Variants in OGFOD3 observed in about 807,000 individuals in gnomAD.
OGFOD3 encodes the protein 2-oxoglutarate and iron dependent oxygenase domain containing 3.
Under a neutral mutation model 39.8 loss-of-function variants are expected in OGFOD3, and 35 were observed. The ratio of observed to expected loss-of-function variants is 0.88; its 90% CI spans 0.67 to 1.17. The LOEUF (loss-of-function observed/expected upper bound fraction) is 1.17, where lower values mean the gene tolerates loss of function less well. Among genes scored for constraint, OGFOD3 ranks in the 50% most tolerant of loss-of-function variants. The pLI is 0.00. For missense variants in OGFOD3, 438 were observed against 454.5 expected (o/e 0.96, Z 0.33); for synonymous variants, 200 against 192.0 (o/e 1.04, Z -0.34).
chr17:82,410,644 C>T (rs2052926553), intron 3 of OGFOD3, among the ~76,000 whole-genome samples: 1 of 151,574 alleles, frequency 6.6e-6, no homozygotes, highest in African/African-American at 2.4e-5. Context: ...TACTGCTTCG[C>T]TGAGGGCCAT....
In OGFOD3 at chr17:82,390,828, G is replaced by C. The variant is rs1156496256; in HGVS notation, c.*1570C>G. On this transcript the variant is annotated 3_prime_UTR_variant, in exon 9 of 9. Coordinates refer to ENST00000313056, the MANE Select transcript of OGFOD3 (RefSeq NM_024648.3). The surrounding 1 kb of genome is among the most constrained non-coding windows in gnomAD (Gnocchi z 4.9). ...CCTTCCCAGGGGTCACCATGCCTCA[G>C]CTGGCCTCACGCCCGCTCCTTCCCA... 1.1e-5 allele frequency: 1 copy of C among 93,320 alleles called. No individual in the cohort carries two copies. Among genetic ancestry groups the C allele is most frequent in the African/African-American group, 4.5e-5 (1 of 22,298 alleles). The allele number at this position is 93,320 out of a possible 1,614,324, so 5.8% of individuals were successfully genotyped here.
rs954657700 is a variant in OGFOD3, at chr17:82,418,435, C to T, written c.51G>A (p.Ala17=). The T allele has an allele frequency of 2.7e-6, 4 of 1,478,834 alleles. No homozygotes were observed. The Admixed American group carries it at 9.0e-5, about 33-fold the overall frequency. The allele number at this position is 1,478,834 out of a possible 1,614,324, so 91.6% of individuals were successfully genotyped here. ...ACCTGCTCCGGTTCCGGCGCTCGGC[C>T]GCTCCGTTGCCCTCGGGCGCCTTGG... The part of the protein sequence containing the change: ...AATKAPEGNG[A]AERRNRSSTK... Residue 17 remains alanine, a synonymous_variant, in exon 1 of 9, where the codon GCG becomes GCA. Coordinates refer to ENST00000313056, the MANE Select transcript of OGFOD3 (RefSeq NM_024648.3).
Position 82,398,228 on chromosome 17 carries a change from T to G in OGFOD3, c.791A>C (p.Glu264Ala), listed in dbSNP as rs1260217763. The part of the protein sequence containing the change: ...FGGGRFMFME[E>A]GANKTVEPRA... ...CGGCTCCACCGTCTTGTTGGCACCC[T>G]CCTCCATGAACATGAACCGCCCTCC... Residue 264 changes from glutamate (E) to alanine (A), a missense_variant, in exon 8 of 9, where the codon GAG becomes GCG. Transcript: ENST00000313056. 3 of 1,613,834 alleles carry G rather than the reference T, an allele frequency of 1.9e-6. No individual in the cohort carries two copies. The African/African-American group carries it at 4.0e-5, about 22-fold the overall frequency.
At chr17:82,397,096 G>C (rs2052684463) in intron 8 of OGFOD3, among the ~76,000 whole-genome samples, 1 of 152,158 alleles carries the variant, frequency 6.6e-6, no homozygotes, top group Non-Finnish European at 1.5e-5. Flanking sequence ...CGTGGAAAGA[G>C]AGTCCCTCAA....
At position 82,406,432 on chromosome 17, in the gene OGFOD3, A is replaced by C. The variant is rs369300584; in HGVS notation, c.474T>G (p.Phe158Leu). The change falls in exon 5 of 9, where the codon TTT becomes TTG. Residue 158 changes from phenylalanine (F) to leucine (L), a missense_variant. Physicochemically the swap from Phe to Leu is conservative, Grantham distance 22. Transcript: ENST00000313056. This position sits in a 1 kb window ranked among gnomAD's most constrained non-coding sequence, Gnocchi z 5.2. Reference protein sequence around the residue: ...HSGALSVGKHFVNLYRYFGDK... With the variant: ...HSGALSVGKHLVNLYRYFGDK... ...GCAGCACTCACCTGTACAGGTTCAC[A>C]AAGTGCTTCCCGACAGACAGGGCCC... 1.2e-6 allele frequency: 2 copies of C among 1,614,140 alleles called. No individual in the cohort carries two copies. Among genetic ancestry groups the C allele is most frequent in the Non-Finnish European group, 1.7e-6 (2 of 1,180,012 alleles).
intron 8 of OGFOD3, among the ~76,000 whole-genome samples, chr17:82,395,367 A>G (rs1464663724): frequency 6.6e-6 from 1 of 152,158 alleles, no homozygotes; most frequent in African/African-American, 2.4e-5. Flanking sequence ...TTTCACTGTA[A>G]TAAACTACAG....
rs994111159 is a variant in OGFOD3 at position 82,404,591 on chromosome 17, C to G, written c.546-501G>C. On this transcript the variant is annotated intron_variant, in intron 6 of 8. Coordinates refer to ENST00000313056, the MANE Select transcript of OGFOD3 (RefSeq NM_024648.3). This position sits in a 1 kb window ranked among gnomAD's most constrained non-coding sequence, Gnocchi z 4.5. Reference sequence around the variant, plus strand: ...GAAGACCCCATGTGCCAGGCCAGAGCGGCTCTGAAATGGATGTCTGGGTGG... The same window carrying G: ...GAAGACCCCATGTGCCAGGCCAGAGGGGCTCTGAAATGGATGTCTGGGTGG... Among the ~76,000 whole-genome samples, 1 of 151,744 alleles carries G rather than the reference C, an allele frequency of 6.6e-6. No individual in the cohort carries two copies. The highest frequency in any genetic ancestry group is 1.5e-5 in the Non-Finnish European group (1 of 67,972).
Position 82,392,303 on chromosome 17 carries a change from G to T in OGFOD3, c.*95C>A. Reference sequence around the variant, plus strand: ...AATCAGAGAATTCCTAAGGCACTCTGTGCAACAGGAGCGGGTGGACGTGGG... The same window carrying T: ...AATCAGAGAATTCCTAAGGCACTCTTTGCAACAGGAGCGGGTGGACGTGGG... On this transcript the variant is annotated 3_prime_UTR_variant, in exon 9 of 9. Transcript: ENST00000313056. This position sits in a 1 kb window ranked among gnomAD's most constrained non-coding sequence, Gnocchi z 4.2. 1 of 1,365,752 alleles carries T rather than the reference G, an allele frequency of 7.3e-7. No individual in the cohort carries two copies. The highest frequency in any genetic ancestry group is 1.0e-6 in the Non-Finnish European group (1 of 997,080). The allele number at this position is 1,365,752 out of a possible 1,614,324, so 84.6% of individuals were successfully genotyped here. A position where few individuals can be genotyped will look rare whatever the true frequency, so the allele number is the denominator to read the frequency against.
Position 82,398,294 on chromosome 17 carries a change from G to A in OGFOD3, c.725C>T (p.Thr242Ile). ...DKVTYGSFDY[T>I]SLLYLSNYLE... ...GTAGTTGGAGAGGTACAGCAGCGAG[G>A]TGTAGTCGAAGGAGCCGTAGGTCAC... The change falls in exon 8 of 9, where the codon ACC (threonine) becomes ATC (isoleucine). Residue 242 changes from threonine to isoleucine, a missense_variant. Physicochemically the swap from Thr to Ile is moderately conservative, Grantham distance 89. Coordinates refer to ENST00000313056, the MANE Select transcript of OGFOD3 (RefSeq NM_024648.3). 1.9e-6 allele frequency: 3 copies of A among 1,614,186 alleles called. No homozygotes were observed. Among genetic ancestry groups the A allele is most frequent in the Non-Finnish European group, 1.7e-6 (2 of 1,180,010 alleles).
chr17:82,402,601 G>T (rs2052784883), intron 7 of OGFOD3, among the ~76,000 whole-genome samples: 1 of 152,028 alleles, frequency 6.6e-6, no homozygotes, highest in Non-Finnish European at 1.5e-5. Flanking sequence ...ACAAAAATTA[G>T]CCGAGCGTGG....
chr17:82,401,491 G>A (rs1326887320), intron 7 of OGFOD3: 1 of 152,008 alleles, frequency 6.6e-6, no homozygotes, highest in Non-Finnish European at 1.5e-5. Flanking sequence ...GATGGCAGAT[G>A]CTGATTGCAG....
rs1175874056 is a variant in OGFOD3 at position 82,415,647 on chromosome 17, CA to C, written c.75-21del. ...TTGGTGCTGAGAACAGAAAACAGGC[CA>C]CGTCACCCAAACACGGAGTGAGGCC... is the stretch of plus-strand genomic sequence containing the variant. On this transcript the variant is annotated intron_variant, in intron 1 of 8. Coordinates refer to ENST00000313056, the MANE Select transcript of OGFOD3 (RefSeq NM_024648.3). The surrounding 1 kb of genome is among the most constrained non-coding windows in gnomAD (Gnocchi z 5.3). 6.3e-7 allele frequency: 1 copy of C among 1,590,418 alleles called. No individual in the cohort carries two copies. The highest frequency in any genetic ancestry group is 2.3e-5 in the East Asian group (1 of 44,028).
At chr17:82,407,422 G>A (rs905452416) in intron 4 of OGFOD3, among the ~76,000 whole-genome samples, 2 of 152,196 alleles carry the variant, frequency 1.3e-5, no homozygotes, top group African/African-American at 4.8e-5. Flanking sequence ...GACTTCTCTC[G>A]AGTAAATGCC....
intron 4 of OGFOD3, among the ~76,000 whole-genome samples, chr17:82,408,994 C>T (rs934138293): frequency 1.3e-5 from 2 of 152,154 alleles, no homozygotes; most frequent in African/African-American, 4.8e-5. Context: ...TGCTGTTTCC[C>T]GGCAGCTCCA....
chr17:82,397,964 G>T lies in OGFOD3; in HGVS notation c.823+232C>A, dbSNP rs117766720. Among the ~76,000 whole-genome samples, 667 of 152,274 alleles carry T rather than the reference G, an allele frequency of 4.4e-3. 5 individuals carry two copies. The highest frequency in any genetic ancestry group is 4.2e-3 in the Non-Finnish European group (287 of 68,006). On this transcript the variant is annotated intron_variant, in intron 8 of 8. Transcript: ENST00000313056. ...GCCTGTCAAGGTGACACACACCAGG[G>T]CGTGGAGGGGGGCTCTGCCGCTGAC...
intron 1 of OGFOD3, among the ~76,000 whole-genome samples, chr17:82,417,517 G>C (rs1186513881): frequency 1.3e-5 from 2 of 151,706 alleles, no homozygotes; most frequent in African/African-American, 4.8e-5. Context: ...TATTTGGGAG[G>C]CTGAGGCAGG....
intron 8 of OGFOD3, chr17:82,396,853 T>C (rs1426950621): frequency 2.0e-5 from 3 of 152,206 alleles, no homozygotes; most frequent in Non-Finnish European, 1.5e-5. Context: ...TCAGAACAAC[T>C]GACATGAAGG....
Position 82,390,482 on chromosome 17 carries a change from G to C in OGFOD3, c.*1916C>G, listed in dbSNP as rs1214028667. The C allele has an allele frequency of 6.6e-6, 1 of 152,620 alleles. No individual in the cohort carries two copies. Among genetic ancestry groups the C allele is most frequent in the East Asian group, 1.9e-4 (1 of 5,204 alleles). The allele number at this position is 152,620 out of a possible 1,614,324, so 9.5% of individuals were successfully genotyped here. On this transcript the variant is annotated 3_prime_UTR_variant, in exon 9 of 9. Coordinates refer to ENST00000313056, the MANE Select transcript of OGFOD3 (RefSeq NM_024648.3). This position sits in a 1 kb window ranked among gnomAD's most constrained non-coding sequence, Gnocchi z 4.9. ...TGGGCCTCATCCTCCCAGATCCATG[G>C]AGTCCTTCAGAATCGTGCCTCGCTC... is the stretch of plus-strand genomic sequence containing the variant.
intron 7 of OGFOD3, among the ~76,000 whole-genome samples, chr17:82,400,392 G>A (rs1259115186): frequency 6.6e-6 from 1 of 152,168 alleles, no homozygotes; most frequent in Non-Finnish European, 1.5e-5. Context: ...AGCCGCGTGC[G>A]GACTGCACTG....
Sources: allele counts gnomAD v4.1 joint callset (sites outside exome capture counted in the v4.1 genomes callset), GRCh38; gene constraint gnomAD v4.1.1; non-coding constraint Gnocchi (gnomAD v3.1); transcripts MANE v1.5; gene names NCBI Gene and HGNC (gene_info 2026-07-23, HGNC 2026-07-21).